The following TBC1D30 variants were observed in gnomAD, a reference collection of about 807,000 sequenced individuals.
TBC1D30 encodes the protein TBC1 domain family, member 30.
Under a neutral mutation model 63.2 loss-of-function variants are expected in TBC1D30, and 31 were observed. The observed-to-expected ratio is 0.49, with a 90% CI of 0.37 to 0.66. The LOEUF is 0.66. TBC1D30 is among the 30% of genes least tolerant of loss of function. TBC1D30 has a pLI of 0.00. For synonymous variants in TBC1D30, 307 were observed against 361.5 expected, an observed-to-expected ratio of 0.85 and a Z score of 1.71; for missense variants, 810 against 953.6, an observed-to-expected ratio of 0.85 and a Z score of 1.98.
intron 2 of TBC1D30, among the ~76,000 whole-genome samples, chr12:64,788,187 G>A (rs1189410778): frequency 1.3e-5 from 2 of 148,264 alleles, no homozygotes; most frequent in Non-Finnish European, 2.9e-5. Context: ...AGAAGGGTGT[G>A]TAGGGGTGTG....
chr12:64,845,523 G>A (rs1156993362), intron 8 of TBC1D30, among the ~76,000 whole-genome samples: 1 of 151,970 alleles, frequency 6.6e-6, no homozygotes, highest in Admixed American at 6.6e-5. Flanking sequence ...TCAGGAGATC[G>A]AGACCATCCT....
At chr12:64,832,046 C>G in intron 4 of TBC1D30, 73 bp from the exon 5 acceptor site, 1 of 1,156,208 alleles carries the variant, frequency 8.6e-7, no homozygotes, top group Non-Finnish European at 1.1e-6. Flanking sequence ...TTTATTGAGT[C>G]AAAAAAAAAA....
chr12:64,865,015 T>C (rs2136460092), intron 9 of TBC1D30, among the ~76,000 whole-genome samples: 2 of 151,992 alleles, frequency 1.3e-5, no homozygotes, highest in South Asian at 4.2e-4. Context: ...CCACAACTTA[T>C]CTAATGATAT....
chr12:64,798,219 C>A (rs1266092737), intron 2 of TBC1D30, among the ~76,000 whole-genome samples: 2 of 152,202 alleles, frequency 1.3e-5, no homozygotes, highest in Non-Finnish European at 2.9e-5. Flanking sequence ...CCTCAGTGAG[C>A]TTTCAGAAGA....
At position 64,878,044 on chromosome 12, in the gene TBC1D30, T is replaced by C. The variant is rs539155333; in HGVS notation, c.*2256T>C. 5.5e-6 allele frequency: 1 copy of C among 183,144 alleles called. No individual in the cohort carries two copies. Among genetic ancestry groups the C allele is most frequent in the South Asian group, 1.2e-4 (1 of 8,092 alleles). 11.3% of individuals were successfully genotyped at this position (183,144 alleles called of 1,614,324 possible). The stretch of plus-strand genomic sequence containing the variant: ...TCCTCTCACCTATTTCCAGGGTTGG[T>C]CTTCCTGAGAAGGGGATGGATGAGG... On this transcript the variant is annotated 3_prime_UTR_variant, in exon 12 of 12. Transcript: ENST00000539867.
intron 1 of TBC1D30, 62 bp from the exon 2 acceptor site, chr12:64,827,773 A>G: frequency 1.7e-6 from 2 of 1,147,072 alleles, no homozygotes; most frequent in Admixed American, 2.4e-5. Context: ...TTTTACTAGT[A>G]TTTTTGATAT....
Position 64,827,883 on chromosome 12 carries a change from A to G in TBC1D30, c.203A>G (p.Asn68Ser), listed in dbSNP as rs958844164. ...ACTCTTGAGCCATCTTTAGGTCAAA[A>G]TGGTTTTCAGCAGGTAACTTTGATT... ...KFTLEPSLGQNGFQQWYDALK... is the reference protein window; with the variant it reads ...KFTLEPSLGQSGFQQWYDALK... Residue 68 changes from asparagine to serine, a missense_variant, in exon 2 of 12, where the codon AAT (asparagine) becomes AGT (serine). Around this residue, in one of 4 missense-constraint regions of TBC1D30, gnomAD observed 272 missense variants for 335.9 expected, o/e 0.81. Transcript: ENST00000539867. 4.2e-5 allele frequency: 64 copies of G among 1,534,762 alleles called. No homozygotes were observed. The highest frequency in any genetic ancestry group is 1.7e-4 in the Middle Eastern group (1 of 6,004).
At chr12:64,820,775 C>T (rs546093517), upstream of TBC1D30, among the ~76,000 whole-genome samples, 8 of 152,304 alleles carry the variant, frequency 5.3e-5, no homozygotes, top group African/African-American at 1.9e-4. Context: ...AACTGTGAGT[C>T]ACACAATCAA....
At chr12:64,759,495 C>A in exon 1 of TBC1D30, 1 of 505,888 alleles carries the variant, frequency 2.0e-6, no homozygotes, top group Non-Finnish European at 3.5e-6. Flanking sequence ...GGCGGGGCTG[C>A]GGACTGGCGC....
intron 8 of TBC1D30, among the ~76,000 whole-genome samples, chr12:64,863,971 C>T (rs1190732848): frequency 1.3e-5 from 2 of 152,112 alleles, no homozygotes; most frequent in African/African-American, 4.8e-5. Flanking sequence ...AATAAGAAAG[C>T]AAACAATATT....
intron 8 of TBC1D30, among the ~76,000 whole-genome samples, chr12:64,857,996 C>T (rs1877455856): frequency 6.6e-6 from 1 of 152,208 alleles, no homozygotes; most frequent in African/African-American, 2.4e-5. Context: ...GCATCCATGA[C>T]TCAAGACTGT....
intron 9 of TBC1D30, 134 bp downstream of exon 9, chr12:64,864,914 C>G (rs1291015146): frequency 1.6e-6 from 1 of 644,812 alleles, no homozygotes; most frequent in Non-Finnish European, 2.5e-6. Flanking sequence ...TGTCCCTTTC[C>G]AAATGGTTTT....
exon 2 of TBC1D30, chr12:64,785,899 C>T (rs770945953): frequency 7.0e-6 from 9 of 1,289,646 alleles, no homozygotes; most frequent in East Asian, 5.5e-5. Context: ...GAACTGAAGA[C>T]GATCCTTCGA....
At chr12:64,865,011 C>T (rs937771698) in intron 9 of TBC1D30, among the ~76,000 whole-genome samples, 1 of 151,788 alleles carries the variant, frequency 6.6e-6, no homozygotes, top group Non-Finnish European at 1.5e-5. Flanking sequence ...AACCCCACAA[C>T]TTATCTAATG....
chr12:64,876,192 A>G lies in TBC1D30; in HGVS notation c.*404A>G, dbSNP rs981086220. ...GTGTTACTAATACTCAAGCATGCAC[A>G]TACCAGCTTGCTAGGACAGAAACTG... On this transcript the variant is annotated 3_prime_UTR_variant, in exon 12 of 12. Transcript: ENST00000539867. The G allele has an allele frequency of 1.7e-5, 3 of 171,450 alleles. No individual in the cohort carries two copies. Among genetic ancestry groups the G allele is most frequent in the South Asian group, 1.7e-4 (1 of 5,968 alleles). The allele number at this position is 171,450 out of a possible 1,614,324, so 10.6% of individuals were successfully genotyped here. A position where few individuals can be genotyped will look rare whatever the true frequency, so the allele number is the denominator to read the frequency against.
intron 2 of TBC1D30, among the ~76,000 whole-genome samples, chr12:64,798,875 C>T (rs575986108): frequency 4.0e-5 from 6 of 148,152 alleles, no homozygotes; most frequent in African/African-American, 1.5e-4. Context: ...TACAGTGGCA[C>T]GATCTTGGCT....
rs1238277921 is a variant in TBC1D30, at chr12:64,856,501, C to CTG, written c.1039-8166_1039-8165insGT. 2.3e-5 allele frequency among the ~76,000 whole-genome samples: 3 copies of CTG among 129,682 alleles called. 1 individual carries two copies. The highest frequency in any genetic ancestry group is 2.0e-4 in the Admixed American group (3 of 14,814). 85.1% of individuals were successfully genotyped at this position (129,682 alleles called of 152,430 possible). On this transcript the variant is annotated intron_variant, in intron 8 of 11. Coordinates refer to ENST00000539867, the MANE Select transcript of TBC1D30 (RefSeq NM_015279.2). The stretch of plus-strand genomic sequence containing the variant: ...AATTCTCTGGATTACCAGGCAGAGA[C>CTG]TCATTCTTTTCCTTTAATTTCTCTG...
chr12:64,872,107 A>C (rs924996402), intron 11 of TBC1D30, among the ~76,000 whole-genome samples: 1 of 152,180 alleles, frequency 6.6e-6, no homozygotes, highest in Non-Finnish European at 1.5e-5. Flanking sequence ...AGCTCACTGT[A>C]ACCTCCACTT....
At chr12:64,872,218 G>T (rs1878710478) in intron 11 of TBC1D30, among the ~76,000 whole-genome samples, 1 of 152,092 alleles carries the variant, frequency 6.6e-6, no homozygotes, top group African/African-American at 2.4e-5. Flanking sequence ...AGTAGAGACG[G>T]GATTTCACCA....
Sources: allele counts gnomAD v4.1 joint callset (sites outside exome capture counted in the v4.1 genomes callset), GRCh38; gene constraint gnomAD v4.1.1; regional missense constraint gnomAD v4.1.1; transcripts MANE v1.5; gene names NCBI Gene and HGNC (gene_info 2026-07-23, HGNC 2026-07-21).